Variants in CWF19L2 observed in about 807,000 individuals in gnomAD.
CWF19L2 encodes CWF19 like cell cycle control factor 2.
Under a neutral mutation model 111.7 loss-of-function variants are expected in CWF19L2, and 98 were observed. That is an observed-to-expected ratio of 0.88 (90% CI 0.75 to 1.04). The LOEUF (loss-of-function observed/expected upper bound fraction) is 1.04. Ranked by LOEUF, CWF19L2 falls within the 50% of genes least tolerant of loss-of-function variation. The probability of loss-of-function intolerance (pLI) is 0.00; values close to 1 mark genes in which losing one functional copy is unlikely to be tolerated. For synonymous variants in CWF19L2, 351 were observed against 342.9 expected (o/e 1.02, Z -0.26); for missense variants, 1,101 against 1,051.4 (o/e 1.05, Z -0.65).
chr11:107,362,458 A>G (rs1413073788), intron 12 of CWF19L2, among the ~76,000 whole-genome samples: 2 of 152,118 alleles, frequency 1.3e-5, no homozygotes, highest in African/African-American at 4.8e-5. Flanking sequence ...TGGTTCTCCC[A>G]GCACGCAGCT....
intron 3 of CWF19L2, among the ~76,000 whole-genome samples, chr11:107,448,059 C>G (rs1861725122): frequency 6.6e-6 from 1 of 151,988 alleles, no homozygotes; most frequent in South Asian, 2.1e-4. Flanking sequence ...AAGAAAAGGC[C>G]AGTCGGCCAG....
chr11:107,390,920 G>C (rs578181852), intron 11 of CWF19L2, among the ~76,000 whole-genome samples: 3 of 152,302 alleles, frequency 2.0e-5, no homozygotes, highest in South Asian at 2.1e-4. Flanking sequence ...AGCTGCCAGC[G>C]AGTCAGAGAT....
Position 107,332,186 on chromosome 11 carries a change from T to C in CWF19L2, c.2440-2167A>G, listed in dbSNP as rs1219002366. 2.0e-5 allele frequency among the ~76,000 whole-genome samples: 3 copies of C among 152,234 alleles called. No individual in the cohort carries two copies. The East Asian group carries it at 5.8e-4, about 29-fold the overall frequency. Reference sequence around the variant, plus strand: ...GTTTAGAACATCAATTTCTAAATGTTGGATGTTTTTTCAATTGCTATAGTT... The same window carrying C: ...GTTTAGAACATCAATTTCTAAATGTCGGATGTTTTTTCAATTGCTATAGTT... On this transcript the variant is annotated intron_variant, in intron 16 of 17. Coordinates refer to ENST00000282251, the MANE Select transcript of CWF19L2 (RefSeq NM_152434.3).
At chr11:107,379,775 C>A (rs1044723622) in intron 12 of CWF19L2, among the ~76,000 whole-genome samples, 1 of 152,024 alleles carries the variant, frequency 6.6e-6, no homozygotes. Flanking sequence ...GAATCAGATA[C>A]TCAGCCGGGC....
intron 7 of CWF19L2, among the ~76,000 whole-genome samples, chr11:107,430,808 C>T (rs1299551660): frequency 6.6e-6 from 1 of 151,564 alleles, no homozygotes; most frequent in Non-Finnish European, 1.5e-5. Context: ...AGTATGAGGA[C>T]TACAGTTAAT....
At chr11:107,385,599 A>AC (rs1359979976) in intron 12 of CWF19L2, among the ~76,000 whole-genome samples, 1 of 152,108 alleles carries the variant, frequency 6.6e-6, no homozygotes, top group Non-Finnish European at 1.5e-5. Flanking sequence ...CAATACAGTA[A>AC]CCCCCCTTTA....
At chr11:107,454,320 C>A (rs1470240702) in intron 3 of CWF19L2, 130 bp downstream of exon 3, 2 of 671,872 alleles carry the variant, frequency 3.0e-6, no homozygotes, top group Admixed American at 4.2e-5. Context: ...GTAGATGTAT[C>A]CCAGATATTT....
At position 107,437,890 on chromosome 11, in the gene CWF19L2, T is replaced by C. The variant is rs770635634; in HGVS notation, c.664+1200A>G. 3.9e-4 allele frequency among the ~76,000 whole-genome samples: 59 copies of C among 152,174 alleles called. 1 individual carries two copies. The highest frequency in any genetic ancestry group is 7.8e-4 in the Non-Finnish European group (53 of 68,016). On this transcript the variant is annotated intron_variant, in intron 6 of 17. Coordinates refer to ENST00000282251, the MANE Select transcript of CWF19L2 (RefSeq NM_152434.3). ...AAAAACAGCCCTACATAGTAATAGT[T>C]GAGTGAGCTAACTTATTGTTCCCTA...
At chr11:107,330,614 CTCTT>C (rs1365208908) in intron 16 of CWF19L2, among the ~76,000 whole-genome samples, 16 of 137,910 alleles carry the variant, frequency 1.2e-4, no homozygotes, top group South Asian at 2.3e-4. Flanking sequence ...CCCTCCCTCT[CTCTT>C]TCTCTCTCTA....
At chr11:107,424,725 A>T (rs1440263070) in intron 8 of CWF19L2, among the ~76,000 whole-genome samples, 1 of 151,890 alleles carries the variant, frequency 6.6e-6, no homozygotes, top group Non-Finnish European at 1.5e-5. Context: ...GTATTTTCTA[A>T]CAAGAATTAA....
At chr11:107,337,578 C>T (rs1052691118) in intron 14 of CWF19L2, among the ~76,000 whole-genome samples, 1 of 152,114 alleles carries the variant, frequency 6.6e-6, no homozygotes, top group African/African-American at 2.4e-5. Flanking sequence ...CAGAGCCCAG[C>T]TCCGTCCACA....
At chr11:107,448,869 T>C (rs376896070) in intron 3 of CWF19L2, among the ~76,000 whole-genome samples, 3 of 152,090 alleles carry the variant, frequency 2.0e-5, no homozygotes, top group East Asian at 3.9e-4. Flanking sequence ...TCCCAAACTG[T>C]GAGAAATAAG....
chr11:107,454,937 C>T (rs1442828037), intron 2 of CWF19L2, among the ~76,000 whole-genome samples: 1 of 151,812 alleles, frequency 6.6e-6, no homozygotes, highest in Non-Finnish European at 1.5e-5. Flanking sequence ...TATGGTCTCC[C>T]CAAAAATTTA....
At chr11:107,419,639 T>G (rs764561468) in intron 8 of CWF19L2, among the ~76,000 whole-genome samples, 1 of 152,164 alleles carries the variant, frequency 6.6e-6, no homozygotes. Context: ...AATAAACTTT[T>G]ACAGATGAAA....
intron 8 of CWF19L2, among the ~76,000 whole-genome samples, chr11:107,423,291 ACATT>A (rs1470130726): frequency 6.6e-6 from 1 of 151,978 alleles, no homozygotes; most frequent in African/African-American, 2.4e-5. Flanking sequence ...GCATTCTTTC[ACATT>A]CAATTTTCCA....
intron 8 of CWF19L2, among the ~76,000 whole-genome samples, chr11:107,427,324 C>T (rs868063175): frequency 7.9e-5 from 12 of 151,848 alleles, no homozygotes; most frequent in African/African-American, 1.5e-4. Context: ...ATTAACACAG[C>T]GAACAAAGAA....
intron 12 of CWF19L2, 69 bp from the exon 13 acceptor site, chr11:107,353,805 C>T (rs1860194963): frequency 4.5e-6 from 5 of 1,119,160 alleles, no homozygotes; most frequent in African/African-American, 3.1e-5. Context: ...ACTGTGGTAT[C>T]CTAAATCTGT....
chr11:107,457,705 G>A lies in CWF19L2; in HGVS notation c.105+7C>T. On this transcript the variant is annotated splice_region_variant and intron_variant, in intron 1 of 17. Coordinates refer to ENST00000282251, the MANE Select transcript of CWF19L2 (RefSeq NM_152434.3). The stretch of plus-strand genomic sequence containing the variant: ...AAATAACTACAAAAGCCCCAAAACA[G>A]AGGTACCTGGCGCAACACCTCGGCC... The A allele has an allele frequency of 3.9e-6, 6 of 1,546,828 alleles. No homozygotes were observed. The highest frequency in any genetic ancestry group is 5.3e-6 in the Non-Finnish European group (6 of 1,142,548).
At chr11:107,367,327 G>A (rs1860444972) in intron 12 of CWF19L2, among the ~76,000 whole-genome samples, 1 of 132,664 alleles carries the variant, frequency 7.5e-6, no homozygotes, top group South Asian at 2.6e-4. Flanking sequence ...CCATTACTGG[G>A]TATATACCCA....
Sources: allele counts gnomAD v4.1 joint callset (sites outside exome capture counted in the v4.1 genomes callset), GRCh38; gene constraint gnomAD v4.1.1; transcripts MANE v1.5; gene names NCBI Gene and HGNC (gene_info 2026-07-23, HGNC 2026-07-21).